PI4KA: variants seen among roughly 807,000 people sequenced by gnomAD.
PI4KA encodes PI4-kinase alpha.
A neutral mutation model predicts 271.4 loss-of-function variants in PI4KA; 122 were observed. The observed-to-expected ratio is 0.45, with a 90% CI of 0.39 to 0.52. The LOEUF is 0.52. Ranked by LOEUF, PI4KA falls within the 20% of genes least tolerant of loss-of-function variation. The probability of loss-of-function intolerance (pLI) is 0.00; values close to 1 mark genes in which losing one functional copy is unlikely to be tolerated. For synonymous variants in PI4KA, 1,041 were observed against 1,078.8 expected, an observed-to-expected ratio of 0.96 and a Z score of 0.69; for missense variants, 1,969 against 2,769.1, an observed-to-expected ratio of 0.71 and a Z score of 6.48.
intron 1 of PI4KA, among the ~76,000 whole-genome samples, chr22:20,849,829 G>C (rs1926737661): frequency 6.6e-6 from 1 of 152,082 alleles, no homozygotes; most frequent in Admixed American, 6.6e-5. Flanking sequence ...ACTCTAGCCT[G>C]GGCTCCAGAG....
intron 1 of PI4KA, among the ~76,000 whole-genome samples, chr22:20,847,254 C>T (rs1926386452): frequency 6.6e-6 from 1 of 151,682 alleles, no homozygotes; most frequent in Non-Finnish European, 1.5e-5. Context: ...CAAACCTGCA[C>T]ATCCTGCACA....
chr22:20,836,236 C>T (rs1350607511), intron 2 of PI4KA, among the ~76,000 whole-genome samples: 7 of 152,140 alleles, frequency 4.6e-5, no homozygotes, highest in Non-Finnish European at 7.3e-5. Context: ...GCCACCCCAA[C>T]CGATGCTAAA....
chr22:20,802,222 C>T (rs981644517), intron 13 of PI4KA, 117 bp from the exon 14 acceptor site: 6 of 780,820 alleles, frequency 7.7e-6, no homozygotes, highest in Non-Finnish European at 1.2e-5. Context: ...AATGATCACT[C>T]TAAAAACATC....
intron 45 of PI4KA, among the ~76,000 whole-genome samples, chr22:20,717,255 T>G (rs990513191): frequency 6.6e-6 from 1 of 152,196 alleles, no homozygotes. Flanking sequence ...AAAGCTCAGC[T>G]TGAATTCCCA....
At chr22:20,731,704 C>A (rs1259778325) in intron 36 of PI4KA, among the ~76,000 whole-genome samples, 1 of 152,084 alleles carries the variant, frequency 6.6e-6, no homozygotes, top group Non-Finnish European at 1.5e-5. Flanking sequence ...CCGAGGTGGG[C>A]AGATCACGAG....
intron 29 of PI4KA, among the ~76,000 whole-genome samples, chr22:20,746,806 G>C (rs1404967501): frequency 6.6e-6 from 1 of 152,190 alleles, no homozygotes; most frequent in East Asian, 1.9e-4. Flanking sequence ...AGCAAAATGA[G>C]GCGAGAAGAC....
intron 1 of PI4KA, among the ~76,000 whole-genome samples, chr22:20,843,352 C>T (rs1601608245): frequency 6.6e-6 from 1 of 152,012 alleles, no homozygotes; most frequent in Non-Finnish European, 1.5e-5. Flanking sequence ...TAGCCAGGCA[C>T]GGTGGCATGC....
At position 20,818,720 on chromosome 22, in the gene PI4KA, A is replaced by G. The variant is rs1013259690; in HGVS notation, c.790-171T>C. Among the ~76,000 whole-genome samples, 54 of 152,214 alleles carry G rather than the reference A, an allele frequency of 3.5e-4. 1 individual carries two copies. Among genetic ancestry groups the G allele is most frequent in the Non-Finnish European group, 1.2e-4 (8 of 68,040 alleles). ...GCTACAGCATTCTCTACTACATGCT[A>G]TATCACTAAATTCTTTGTGTTTAGC... On this transcript the variant is annotated intron_variant, in intron 6 of 54. Transcript: ENST00000255882.
chr22:20,835,199 T>G (rs1175726284), intron 2 of PI4KA, among the ~76,000 whole-genome samples: 1 of 152,150 alleles, frequency 6.6e-6, no homozygotes, highest in African/African-American at 2.4e-5. Context: ...TCAGACTTTA[T>G]AGCCAACTTT....
At chr22:20,761,426 G>A (rs182629225) in intron 22 of PI4KA, 40 bp from the exon 23 acceptor site, 2 of 1,291,248 alleles carry the variant, frequency 1.5e-6, no homozygotes, top group Admixed American at 1.7e-5. Flanking sequence ...TGAAAAATCT[G>A]GGCCCTCCCT....
At chr22:20,721,206 T>C in intron 43 of PI4KA, 92 bp downstream of exon 43, 2 of 1,384,702 alleles carry the variant, frequency 1.4e-6, no homozygotes, top group South Asian at 2.4e-5. Context: ...GCTGGGGCAG[T>C]GCAGGCTGGC....
chr22:20,728,077 A>G (rs898946726), intron 39 of PI4KA, among the ~76,000 whole-genome samples: 2 of 152,240 alleles, frequency 1.3e-5, no homozygotes, highest in African/African-American at 4.8e-5. Flanking sequence ...ACTTAATTGT[A>G]TATTGAAAAA....
At chr22:20,826,398 G>A (rs1923429102) in intron 3 of PI4KA, among the ~76,000 whole-genome samples, 1 of 151,870 alleles carries the variant, frequency 6.6e-6, no homozygotes, top group Admixed American at 6.6e-5. Context: ...TTTTTTTATG[G>A]CTACACAGTA....
chr22:20,799,182 G>C lies in PI4KA; in HGVS notation c.1915C>G (p.Gln639Glu). 3.1e-6 allele frequency: 5 copies of C among 1,607,010 alleles called. No homozygotes were observed. The highest frequency in any genetic ancestry group is 4.2e-6 in the Non-Finnish European group (5 of 1,176,528). The change falls in exon 16 of 55, where the codon CAG becomes GAG. Residue 639 changes from glutamine to glutamate, a missense_variant. Gln to Glu is a conservative substitution (Grantham distance 29). Coordinates refer to ENST00000255882, the MANE Select transcript of PI4KA (RefSeq NM_058004.4). The stretch of plus-strand genomic sequence containing the variant: ...TGGCAGAATTTCTGCTGTAGGATCT[G>C]CAGAATGGGCTCCATGACCTTCGGG... Reference protein sequence around the residue: ...DTPKVMEPILQILQQKFCQPP... With the variant: ...DTPKVMEPILEILQQKFCQPP...
intron 9 of PI4KA, among the ~76,000 whole-genome samples, chr22:20,810,507 TC>T (rs746682249): frequency 6.9e-6 from 1 of 145,002 alleles, no homozygotes; most frequent in Non-Finnish European, 1.5e-5. Context: ...AGACTCCATC[TC>T]AAAAAAAAAA....
At chr22:20,825,263 T>A (rs973815563) in intron 3 of PI4KA, among the ~76,000 whole-genome samples, 1 of 152,088 alleles carries the variant, frequency 6.6e-6, no homozygotes, top group African/African-American at 2.4e-5. Flanking sequence ...AAATTTGACC[T>A]TTTAGTAATG....
At chr22:20,807,855 G>T (rs577647556) in intron 9 of PI4KA, among the ~76,000 whole-genome samples, 33 of 151,840 alleles carry the variant, frequency 2.2e-4, no homozygotes, top group South Asian at 4.1e-4. Flanking sequence ...ACAAATTACA[G>T]CCAGGACACC....
At chr22:20,779,817 C>T in intron 19 of PI4KA, 1 of 1,614,194 alleles carries the variant, frequency 6.2e-7, no homozygotes. Context: ...TTCCTTAGGT[C>T]TGAAGGGAGA....
At chr22:20,838,897 T>C (rs374455958) in intron 1 of PI4KA, among the ~76,000 whole-genome samples, 166 bp from the exon 2 acceptor site, 1 of 152,212 alleles carries the variant, frequency 6.6e-6, no homozygotes, top group South Asian at 2.1e-4. Flanking sequence ...GCCAACATAG[T>C]GAGACCCTAT....
Sources: allele counts gnomAD v4.1 joint callset (sites outside exome capture counted in the v4.1 genomes callset), GRCh38; gene constraint gnomAD v4.1.1; transcripts MANE v1.5; gene names NCBI Gene and HGNC (gene_info 2026-07-23, HGNC 2026-07-21).